The following GAMT variants were observed in gnomAD, a reference collection of about 807,000 sequenced individuals.
GAMT encodes guanidinoacetate N-methyltransferase.
GAMT carries 26 observed loss-of-function variants against 26.9 expected under a neutral mutation model. That is an observed-to-expected ratio of 0.97 (90% confidence interval 0.71 to 1.34). The LOEUF is 1.34. GAMT is among the 40% of genes most tolerant of loss of function. The pLI, the probability that GAMT is intolerant of heterozygous loss-of-function variation, is 0.00. For missense variants in GAMT, 412 were observed against 345.0 expected (o/e 1.19, Z -1.54); for synonymous variants, 169 against 149.6 (o/e 1.13, Z -0.95).
intron 5 of GAMT, chr19:1,397,954 CG>C: frequency 9.4e-7 from 1 of 1,062,116 alleles, no homozygotes; most frequent in Non-Finnish European, 1.1e-6. Flanking sequence ...GAGGGAACAG[CG>C]AGACAAGCAC....
rs1230678835 is a variant in GAMT, at chr19:1,399,669, G to A, written c.328-82C>T. The A allele has an allele frequency of 3.9e-6, 6 of 1,533,884 alleles. No individual in the cohort carries two copies. The highest frequency in any genetic ancestry group is 5.3e-6 in the Non-Finnish European group (6 of 1,134,108). On this transcript the variant is annotated intron_variant, in intron 2 of 5. Transcript: ENST00000252288. This position sits in a 1 kb window ranked among gnomAD's most constrained non-coding sequence, Gnocchi z 6.2. ...CCACCTGCAGAAAGGGAGCGGCCAG[G>A]GGGACTCCCGAGAGAGAAGACCACC...
chr19:1,398,710 C>G (rs1285487788), intron 5 of GAMT: 1 of 1,535,646 alleles, frequency 6.5e-7, no homozygotes, highest in Non-Finnish European at 8.7e-7. Context: ...TTCCACAGTG[C>G]TGGGATTATA....
rs1437389613 is a variant in GAMT at position 1,399,668 on chromosome 19, G to A, written c.328-81C>T. 5 of 1,534,880 alleles carry A rather than the reference G, an allele frequency of 3.3e-6. No individual in the cohort carries two copies. In the Admixed American group the frequency reaches 9.4e-5, roughly 29 times the overall value. On this transcript the variant is annotated intron_variant, in intron 2 of 5. Coordinates refer to ENST00000252288, the MANE Select transcript of GAMT (RefSeq NM_000156.6). This position sits in a 1 kb window ranked among gnomAD's most constrained non-coding sequence, Gnocchi z 6.2. ...CCCACCTGCAGAAAGGGAGCGGCCA[G>A]GGGGACTCCCGAGAGAGAAGACCAC... is the stretch of plus-strand genomic sequence containing the variant.
In GAMT at chr19:1,401,328, A is replaced by T; in HGVS notation, c.149T>A (p.Met50Lys). Residue 50 changes from methionine to lysine, a missense_variant, in exon 1 of 6, where the codon ATG becomes AAG. Coordinates refer to ENST00000252288, the MANE Select transcript of GAMT (RefSeq NM_000156.6). ...GGAGGCGGCGGCGGCCAGCGCGTGC[A>T]TATAGGGGGTCTCCCAGCGCTCCAT... The part of the protein sequence containing the change: ...PVMERWETPY[M>K]HALAAAASSK... 1.3e-6 allele frequency: 2 copies of T among 1,530,412 alleles called. No individual in the cohort carries two copies. The highest frequency in any genetic ancestry group is 1.2e-5 in the South Asian group (1 of 83,236). The allele number at this position is 1,530,412 out of a possible 1,614,324, so 94.8% of individuals were successfully genotyped here. A position where few individuals can be genotyped will look rare whatever the true frequency, so the allele number is the denominator to read the frequency against.
At position 1,399,874 on chromosome 19, in the gene GAMT, G is replaced by A; in HGVS notation, c.246C>T (p.Pro82=). 2 of 1,605,580 alleles carry A rather than the reference G, an allele frequency of 1.2e-6. No individual in the cohort carries two copies. The highest frequency in any genetic ancestry group is 1.1e-5 in the South Asian group (1 of 89,464). Residue 82 remains proline, a synonymous_variant, in exon 2 of 6, where the codon CCC becomes CCT. Transcript: ENST00000252288. The surrounding 1 kb of genome is among the most constrained non-coding windows in gnomAD (Gnocchi z 6.2). ...AIAASKVQEA[P]IDEHWIIECN... is the part of the protein sequence containing the mutation. ...ACTCGATGATCCAATGCTCATCAATGGGCGCCTCCTGCACCTTTGACGCTG... is the reference window on the plus strand; with the variant it reads ...ACTCGATGATCCAATGCTCATCAATAGGCGCCTCCTGCACCTTTGACGCTG...
At position 1,397,313 on chromosome 19, in the gene GAMT, G is replaced by T. The variant is rs368757649; in HGVS notation, c.*46C>A. The T allele has an allele frequency of 1.5e-5, 23 of 1,578,834 alleles. No individual in the cohort carries two copies. In the African/African-American group the frequency reaches 2.8e-4, roughly 19 times the overall value. On this transcript the variant is annotated 3_prime_UTR_variant, in exon 6 of 6. Coordinates refer to ENST00000252288, the MANE Select transcript of GAMT (RefSeq NM_000156.6). ...TGCGACACCCTGGACTCCCGGCCAG[G>T]AAGGCACGGAGGAGGGCATGGGTGT...
rs146736307 is a variant in GAMT, at chr19:1,399,977, C to T, written c.182-39G>A. ...GGGCGCCTGGCATCACTAGGTGGGG[C>T]GGGCTTAGGAGGCTGCCTGGAGGAG... On this transcript the variant is annotated intron_variant, in intron 1 of 5. Transcript: ENST00000252288. The surrounding 1 kb of genome is among the most constrained non-coding windows in gnomAD (Gnocchi z 6.2). 2,019 of 1,577,434 alleles carry T rather than the reference C, an allele frequency of 1.3e-3. 35 individuals are homozygous for T. In the East Asian group the frequency reaches 0.025, roughly 19 times the overall value.
Position 1,398,964 on chromosome 19 carries a change from C to T in GAMT, c.522G>A (p.Trp174Ter), listed in dbSNP as rs370421531. The T allele has an allele frequency of 1.4e-4, 229 of 1,613,322 alleles. No individual in the cohort carries two copies. Among genetic ancestry groups the T allele is most frequent in the Non-Finnish European group, 1.9e-4 (219 of 1,180,016 alleles). ...GVLTYCNLTSWGELMKSKYSD... is the reference protein window; with the variant it reads ...GVLTYCNLTS ...AGTACTTGGACTTCATCAGCTCCCCCCAGGAGGTGAGGTTGCAGTAGGTGA... is the reference window on the plus strand; with the variant it reads ...AGTACTTGGACTTCATCAGCTCCCCTCAGGAGGTGAGGTTGCAGTAGGTGA... Residue 174 changes from tryptophan to a stop codon, truncating the protein, a stop_gained, in exon 5 of 6, where the codon TGG (tryptophan) becomes TGA (stop). Transcript: ENST00000252288. LOFTEE classifies it high-confidence loss of function.
chr19:1,401,521 G>A lies in GAMT; in HGVS notation c.-45C>T. ...CCCGACCTCGATCGCGCGCCGCCCG[G>A]GCCCGCTCCCTGCAGGGGCTTGTGG... On this transcript the variant is annotated 5_prime_UTR_variant, in exon 1 of 6. Transcript: ENST00000252288. The A allele has an allele frequency of 1.6e-6, 2 of 1,269,228 alleles. No individual in the cohort carries two copies. The highest frequency in any genetic ancestry group is 2.0e-6 in the Non-Finnish European group (2 of 1,003,652). The allele number at this position is 1,269,228 out of a possible 1,614,324, so 78.6% of individuals were successfully genotyped here.
In GAMT at chr19:1,401,331, TA is replaced by T. The variant is rs1384688313; in HGVS notation, c.145del (p.Tyr49IlefsTer65). On this transcript the variant is annotated frameshift_variant, in exon 1 of 6. Transcript: ENST00000252288. LOFTEE classifies it high-confidence loss of function. ...KPVMERWETP[Y>X]MHALAAAASS... is the part of the protein sequence containing the mutation. ...GGCGGCGGCGGCCAGCGCGTGCATA[TA>T]GGGGGTCTCCCAGCGCTCCATCACC... is the stretch of plus-strand genomic sequence containing the variant. 6.5e-7 allele frequency: 1 copy of T among 1,531,708 alleles called. No individual in the cohort carries two copies. Among genetic ancestry groups the T allele is most frequent in the Admixed American group, 1.9e-5 (1 of 53,294 alleles). The allele number at this position is 1,531,708 out of a possible 1,614,324, so 94.9% of individuals were successfully genotyped here. A position where few individuals can be genotyped will look rare whatever the true frequency, so the allele number is the denominator to read the frequency against.
In GAMT at chr19:1,401,407, G is replaced by T; in HGVS notation, c.70C>A (p.Pro24Thr). The change falls in exon 1 of 6, where the codon CCC becomes ACC. Residue 24 changes from proline (P) to threonine (T), a missense_variant. Physicochemically the swap from Pro to Thr is conservative, Grantham distance 38. Transcript: ENST00000252288. ...GTGTCCGCTGCGTCGTAGGCCGCGG[G>T]CGCCGCCCCCCACGCGGGGCTGCAG... Reference protein sequence around the residue: ...ENCSPAWGAAPAAYDAADTHL... With the variant: ...ENCSPAWGAATAAYDAADTHL... The T allele has an allele frequency of 6.9e-7, 1 of 1,455,590 alleles. No homozygotes were observed. 90.2% of individuals were successfully genotyped at this position (1,455,590 alleles called of 1,614,324 possible).
In GAMT at chr19:1,399,257, C is replaced by T; in HGVS notation, c.392-62G>A. The stretch of plus-strand genomic sequence containing the variant: ...GGCTCAGCGCCTCACCCAGCCTCAC[C>T]CGGCTCATCCCCCAGCGGGTGGAGG... On this transcript the variant is annotated intron_variant, in intron 3 of 5. Transcript: ENST00000252288. This position sits in a 1 kb window ranked among gnomAD's most constrained non-coding sequence, Gnocchi z 6.2. 6.4e-7 allele frequency: 1 copy of T among 1,561,634 alleles called. No homozygotes were observed. The highest frequency in any genetic ancestry group is 2.2e-5 in the East Asian group (1 of 44,624).
intron 5 of GAMT, chr19:1,397,744 C>A: frequency 7.1e-7 from 1 of 1,403,222 alleles, no homozygotes; most frequent in Non-Finnish European, 9.3e-7. Context: ...CACCCCCGGG[C>A]ACCTACTCCA....
chr19:1,398,972 T>C lies in GAMT; in HGVS notation c.514A>G (p.Thr172Ala). 6.2e-7 allele frequency: 1 copy of C among 1,612,570 alleles called. No homozygotes were observed. The highest frequency in any genetic ancestry group is 2.2e-5 in the East Asian group (1 of 44,824). The change falls in exon 5 of 6, where the codon ACC becomes GCC. Residue 172 changes from threonine (T) to alanine (A), a missense_variant. Physicochemically the swap from Thr to Ala is moderately conservative, Grantham distance 58 (BLOSUM62 0). Transcript: ENST00000252288. ...GACTTCATCAGCTCCCCCCAGGAGG[T>C]GAGGTTGCAGTAGGTGAGGACGCCC... ...PGGVLTYCNL[T>A]SWGELMKSKY...
intron 5 of GAMT, chr19:1,397,860 C>A: frequency 8.7e-7 from 1 of 1,148,012 alleles, no homozygotes; most frequent in Non-Finnish European, 1.1e-6. Flanking sequence ...GCCCCAGGGG[C>A]CACAGGCACC....
Position 1,397,346 on chromosome 19 carries a change from C to T in GAMT, c.*13G>A. 6.2e-7 allele frequency: 1 copy of T among 1,605,936 alleles called. No individual in the cohort carries two copies. Among genetic ancestry groups the T allele is most frequent in the Non-Finnish European group, 8.5e-7 (1 of 1,177,618 alleles). ...GGAGGAGGGCATGGGTGTGGCCGGG[C>T]CGGGGTGGGGGCTCAGCCTTTGGTC... On this transcript the variant is annotated 3_prime_UTR_variant, in exon 6 of 6. Transcript: ENST00000252288.
At chr19:1,397,812 G>C in intron 5 of GAMT, 1 of 1,260,352 alleles carries the variant, frequency 7.9e-7, no homozygotes, top group African/African-American at 1.5e-5. Context: ...ACCAGAAAAA[G>C]AACACAGGCC....
intron 5 of GAMT, chr19:1,398,399 G>C (rs2082612758): frequency 3.0e-6 from 1 of 332,850 alleles, no homozygotes; most frequent in African/African-American, 2.1e-5. Context: ...CGCCCAGCCT[G>C]ATTTCCATTT....
At position 1,399,260 on chromosome 19, in the gene GAMT, G is replaced by A. The variant is rs1379392149; in HGVS notation, c.392-65C>T. The A allele has an allele frequency of 3.2e-6, 5 of 1,550,820 alleles. No individual in the cohort carries two copies. In the Admixed American group the frequency reaches 8.3e-5, roughly 26 times the overall value. On this transcript the variant is annotated intron_variant, in intron 3 of 5. Transcript: ENST00000252288. The surrounding 1 kb of genome is among the most constrained non-coding windows in gnomAD (Gnocchi z 6.2). ...TCAGCGCCTCACCCAGCCTCACCCGGCTCATCCCCCAGCGGGTGGAGGTGC... is the reference window on the plus strand; with the variant it reads ...TCAGCGCCTCACCCAGCCTCACCCGACTCATCCCCCAGCGGGTGGAGGTGC...
Sources: gnomAD v4.1 joint callset for allele counts on GRCh38, gnomAD v4.1.1 for gene constraint, Gnocchi (gnomAD v3.1) non-coding constraint, MANE v1.5 for transcripts, NCBI Gene and HGNC (gene_info 2026-07-23, HGNC 2026-07-21) for gene names.